AGRN: variants seen among roughly 807,000 people sequenced by gnomAD.
The protein encoded by AGRN is agrin proteoglycan.
Under a neutral mutation model 211.0 loss-of-function variants are expected in AGRN, and 106 were observed. The ratio of observed to expected loss-of-function variants is 0.50; its 90% CI spans 0.43 to 0.59. AGRN has a LOEUF of 0.59. Ranked by LOEUF, AGRN falls within the 20% of genes least tolerant of loss-of-function variation. The pLI, the probability that AGRN is intolerant of heterozygous loss-of-function variation, is 0.00. For missense variants in AGRN, 3,040 were observed against 2,982.6 expected (o/e 1.02, Z -0.45); for synonymous variants, 1,525 against 1,332.5 (o/e 1.14, Z -3.15).
intron 3 of AGRN, among the ~76,000 whole-genome samples, chr1:1,038,344 C>T (rs1644850233): frequency 6.6e-6 from 1 of 152,208 alleles, no homozygotes; most frequent in Non-Finnish European, 1.5e-5. Context: ...CTCTCCACTG[C>T]CCTGCCACAT....
rs199886763 is a variant in AGRN, at chr1:1,049,658, C to T, written c.4607C>T (p.Pro1536Leu). The change falls in exon 26 of 36, where the codon CCG (proline) becomes CTG (leucine). Residue 1536 changes from proline (P) to leucine (L), a missense_variant. By Grantham distance (98) the Pro-to-Leu change is moderately conservative (BLOSUM62 -3). This residue lies in a region of AGRN where 1,537 missense variants were observed against 1,505.0 expected (regional missense o/e 1.02). Transcript: ENST00000379370. ...NNQRLELGIG[P>L]GAATRGSGVG... is the part of the protein sequence containing the mutation. The stretch of plus-strand genomic sequence containing the variant: ...CAGCGCCTGGAGCTTGGCATTGGGC[C>T]GGGGGCTGCCACCCGAGGCTCTGGC... 6.7e-5 allele frequency: 106 copies of T among 1,580,860 alleles called. No homozygotes were observed. The highest frequency in any genetic ancestry group is 7.1e-5 in the Non-Finnish European group (83 of 1,164,560).
intron 3 of AGRN, among the ~76,000 whole-genome samples, chr1:1,037,739 C>T (rs527601948): frequency 4.6e-5 from 7 of 152,274 alleles, no homozygotes; most frequent in East Asian, 3.9e-4. Flanking sequence ...GGCAGGTGAC[C>T]GGAGCACAGA....
rs774243334 is a variant in AGRN at position 1,049,308 on chromosome 1, G to A, written c.4371G>A (p.Leu1457=). The A allele has an allele frequency of 1.3e-5, 20 of 1,597,746 alleles. No individual in the cohort carries two copies. In the South Asian group the frequency reaches 2.0e-4, roughly 16 times the overall value. ...TAGAGCCGGGCCAGTGGCACCGCCT[G>A]GAGCTGTCCCGGCACTGGCGCCGGG... ...VPVEPGQWHR[L]ELSRHWRRGT... is the part of the protein sequence containing the mutation. Residue 1457 remains leucine, a synonymous_variant, in exon 25 of 36, where the codon CTG becomes CTA. Coordinates refer to ENST00000379370, the MANE Select transcript of AGRN (RefSeq NM_198576.4).
At chr1:1,047,300 C>T (rs749786454) in intron 19 of AGRN, 27 bp from the exon 20 acceptor site, 53 of 1,576,182 alleles carry the variant, frequency 3.4e-5, no homozygotes, top group Non-Finnish European at 4.5e-5. Flanking sequence ...AGATGCCAGG[C>T]AGGGCCTCAC....
rs1265092611 is a variant in AGRN at position 1,048,664 on chromosome 1, G to C, written c.4106-203G>C. 5 of 663,554 alleles carry C rather than the reference G, an allele frequency of 7.5e-6. No homozygotes were observed. Among genetic ancestry groups the C allele is most frequent in the African/African-American group, 7.5e-5 (4 of 53,340 alleles). 41.1% of individuals were successfully genotyped at this position (663,554 alleles called of 1,614,324 possible). ...GGGCGCCTGTAATCCCACCTCGTGA[G>C]GCTGAGGCAGGAGAATCGCTTGAAC... On this transcript the variant is annotated intron_variant, in intron 23 of 35. Coordinates refer to ENST00000379370, the MANE Select transcript of AGRN (RefSeq NM_198576.4). The surrounding 1 kb of genome is among the most constrained non-coding windows in gnomAD (Gnocchi z 5.9).
intron 18 of AGRN, 25 bp downstream of exon 18, chr1:1,046,760 G>A (rs1199192694): frequency 3.8e-6 from 6 of 1,576,040 alleles, no homozygotes; most frequent in Non-Finnish European, 5.1e-6. Context: ...AGGACTTGGG[G>A]TGGGTGGGCA....
chr1:1,047,000 G>C, intron 19 of AGRN, 43 bp downstream of exon 19: 1 of 1,555,232 alleles, frequency 6.4e-7, no homozygotes, highest in Non-Finnish European at 8.7e-7. Context: ...GATAGCCTGG[G>C]CTCGGCCGAG....
intron 3 of AGRN, among the ~76,000 whole-genome samples, chr1:1,037,388 A>C (rs1382185544): frequency 6.6e-6 from 1 of 152,164 alleles, no homozygotes; most frequent in Non-Finnish European, 1.5e-5. Context: ...CTCCACACCA[A>C]GGCCATCGTG....
chr1:1,050,003 C>T lies in AGRN; in HGVS notation c.4845C>T (p.Cys1615=), dbSNP rs1364143069. 2 of 1,610,050 alleles carry T rather than the reference C, an allele frequency of 1.2e-6. No individual in the cohort carries two copies. Among genetic ancestry groups the T allele is most frequent in the Non-Finnish European group, 1.7e-6 (2 of 1,179,210 alleles). ...VLPEGGAQCE[C]PLGREGTFCQ... ...CCGAGGGTGGTGCTCAGTGCGAGTG[C>T]CCCCTGGGGCGTGAGGGCACCTTCT... Residue 1615 remains cysteine (C), a synonymous_variant, in exon 27 of 36, where the codon TGC becomes TGT. Coordinates refer to ENST00000379370, the MANE Select transcript of AGRN (RefSeq NM_198576.4).
intron 5 of AGRN, 33 bp downstream of exon 5, chr1:1,041,430 C>T: frequency 6.4e-7 from 1 of 1,550,674 alleles, no homozygotes; most frequent in South Asian, 1.2e-5. Context: ...GGCTCGAGCT[C>T]TGTGGGCGCG....
chr1:1,048,000 C>G lies in AGRN; in HGVS notation c.3752-12C>G. Reference sequence around the variant, plus strand: ...GCTCCCAGGAAACCCTAACAGCTCCCTGTGCCGGCAGACTGGTTTCCTGCG... The same window carrying G: ...GCTCCCAGGAAACCCTAACAGCTCCGTGTGCCGGCAGACTGGTTTCCTGCG... On this transcript the variant is annotated splice_polypyrimidine_tract_variant and intron_variant, in intron 22 of 35. Coordinates refer to ENST00000379370, the MANE Select transcript of AGRN (RefSeq NM_198576.4). The G allele has an allele frequency of 6.4e-7, 1 of 1,574,618 alleles. No individual in the cohort carries two copies. The highest frequency in any genetic ancestry group is 1.2e-5 in the South Asian group (1 of 86,644).
rs751973669 is a variant in AGRN, at chr1:1,046,608, G to GC, written c.3129dup (p.Thr1044HisfsTer16). 1.9e-6 allele frequency: 3 copies of GC among 1,604,052 alleles called. No individual in the cohort carries two copies. Among genetic ancestry groups the GC allele is most frequent in the African/African-American group, 1.3e-5 (1 of 75,004 alleles). ...CCACCGTGTGGCCCGTGCTGACGGT[G>GC]CCCCCCACGGCACCCTCCCCTGCAC... On this transcript the variant is annotated frameshift_variant, in exon 18 of 36. Coordinates refer to ENST00000379370, the MANE Select transcript of AGRN (RefSeq NM_198576.4). LOFTEE classifies it high-confidence loss of function.
In AGRN at chr1:1,043,835, A is replaced by T. The variant is rs1347015442; in HGVS notation, c.1811A>T (p.Asp604Val). Reference sequence around the variant, plus strand: ...CTGTCTCCTGCAGAGACCTGTGGAGATGCCGTGTGTGCTTTTGGGGCTGTG... The same window carrying T: ...CTGTCTCCTGCAGAGACCTGTGGAGTTGCCGTGTGTGCTTTTGGGGCTGTG... ...ASAGPCETCGDAVCAFGAVCS... is the reference protein window; with the variant it reads ...ASAGPCETCGVAVCAFGAVCS... Residue 604 changes from aspartate (D) to valine (V), a missense_variant, in exon 10 of 36, where the codon GAT (aspartate) becomes GTT (valine). This residue lies in a region of AGRN where 1,498 missense variants were observed against 1,457.8 expected (regional missense o/e 1.03). Transcript: ENST00000379370. 1 of 1,610,998 alleles carries T rather than the reference A, an allele frequency of 6.2e-7. No homozygotes were observed. Among genetic ancestry groups the T allele is most frequent in the Non-Finnish European group, 8.5e-7 (1 of 1,179,806 alleles).
At chr1:1,021,636 CAG>C (rs1388266415) in intron 1 of AGRN, among the ~76,000 whole-genome samples, 3 of 152,254 alleles carry the variant, frequency 2.0e-5, no homozygotes, top group Admixed American at 1.3e-4. Flanking sequence ...CAGCTGCCCT[CAG>C]GGCCCCAGGA....
rs764384724 is a variant in AGRN, at chr1:1,041,360, C to T, written c.915C>T (p.Arg305=). 4.6e-6 allele frequency: 7 copies of T among 1,536,008 alleles called. No homozygotes were observed. The South Asian group carries it at 6.0e-5, about 13-fold the overall frequency. Residue 305 remains arginine, a synonymous_variant, in exon 5 of 36, where the codon CGC becomes CGT. Coordinates refer to ENST00000379370, the MANE Select transcript of AGRN (RefSeq NM_198576.4). ...AGCTCCTGCGCCGCGCCTGCGCCCG[C>T]CAGGAGAATGTCTTCAAGAAGTTCG... ...ECQLLRRACA[R]QENVFKKFDG...
In AGRN at chr1:1,027,240, TTGTG is replaced by T. The variant is rs750297449; in HGVS notation, c.463+4788_463+4791del. 4.6e-5 allele frequency among the ~76,000 whole-genome samples: 7 copies of T among 152,006 alleles called. No homozygotes were observed. In the East Asian group the frequency reaches 7.7e-4, roughly 17 times the overall value. The stretch of plus-strand genomic sequence containing the variant: ...GTGTGGCCTGCGTGTGTGCATGTGT[TTGTG>T]TGTGTGTGTACACGCATGTGTGTGC... On this transcript the variant is annotated intron_variant, in intron 2 of 35. Transcript: ENST00000379370.
chr1:1,035,353 G>C (rs909676947), intron 3 of AGRN, 29 bp downstream of exon 3: 25 of 1,612,634 alleles, frequency 1.6e-5, no homozygotes, highest in Non-Finnish European at 2.0e-5. Context: ...GGGGGACCTG[G>C]ATGGGCTGTG....
intron 29 of AGRN, 45 bp downstream of exon 29, chr1:1,050,636 G>A (rs571412080): frequency 8.1e-6 from 13 of 1,603,476 alleles, no homozygotes; most frequent in South Asian, 4.4e-5. Flanking sequence ...GCACTGGCCC[G>A]GGGCCGGGGC....
chr1:1,035,839 G>T (rs1187544174), intron 3 of AGRN, among the ~76,000 whole-genome samples: 1 of 151,982 alleles, frequency 6.6e-6, no homozygotes, highest in Non-Finnish European at 1.5e-5. Flanking sequence ...GGCTGTCATG[G>T]GGGGACACAA....
Sources: gnomAD v4.1 joint callset for allele counts (sites outside exome capture counted in the v4.1 genomes callset) on GRCh38, gnomAD v4.1.1 for gene constraint, gnomAD v4.1.1 regional missense constraint, Gnocchi (gnomAD v3.1) non-coding constraint, MANE v1.5 for transcripts, NCBI Gene and HGNC (gene_info 2026-07-23, HGNC 2026-07-21) for gene names.